The following OGN variants were observed in gnomAD, a reference collection of about 807,000 sequenced individuals.
OGN encodes the protein osteoglycin, also known as mimecan.
Under a neutral mutation model 30.8 loss-of-function variants are expected in OGN, and 19 were observed. The ratio of observed to expected loss-of-function variants is 0.62; its 90% CI spans 0.43 to 0.90. OGN has a LOEUF of 0.90. Ranked by LOEUF, OGN falls within the 40% of genes least tolerant of loss-of-function variation. OGN has a pLI of 0.00. For synonymous variants in OGN, 126 were observed against 128.3 expected, an observed-to-expected ratio of 0.98 and a Z score of 0.12; for missense variants, 283 against 349.7, an observed-to-expected ratio of 0.81 and a Z score of 1.52.
Position 92,385,462 on chromosome 9 carries a change from T to C in OGN, c.*158A>G, listed in dbSNP as rs1842380780. ...GACATTCAGTCTTACTTTTTACTTA[T>C]TATATGTAAGATTTTGAACATCCTT... On this transcript the variant is annotated 3_prime_UTR_variant, in exon 7 of 7. Coordinates refer to ENST00000375561, the MANE Select transcript of OGN (RefSeq NM_014057.5). The C allele has an allele frequency of 3.3e-6, 2 of 611,328 alleles. No individual in the cohort carries two copies. The highest frequency in any genetic ancestry group is 1.9e-5 in the African/African-American group (1 of 53,418). 37.9% of individuals were successfully genotyped at this position (611,328 alleles called of 1,614,324 possible).
At position 92,385,830 on chromosome 9, in the gene OGN, ATCAACCTT is replaced by A. The variant is rs758144658; in HGVS notation, c.727-48_727-41del. Reference sequence around the variant, plus strand: ...GGAAAACATTGTTCAGAAATCTGAAATCAACCTTTCATATGCTATATAATGGGTAAAGG... The same window carrying A: ...GGAAAACATTGTTCAGAAATCTGAAATCATATGCTATATAATGGGTAAAGG... On this transcript the variant is annotated intron_variant, in intron 6 of 6. Transcript: ENST00000375561. 42 of 1,606,110 alleles carry A rather than the reference ATCAACCTT, an allele frequency of 2.6e-5. 1 individual carries two copies. The East Asian group carries it at 7.6e-4, about 29-fold the overall frequency.
intron 4 of OGN, 21 bp downstream of exon 4, chr9:92,393,065 T>C (rs767271668): frequency 3.7e-6 from 6 of 1,602,322 alleles, no homozygotes; most frequent in South Asian, 2.2e-5. Context: ...AATACTAATA[T>C]CATATTTCAG....
intron 3 of OGN, among the ~76,000 whole-genome samples, chr9:92,399,547 A>AT (rs1351383968): frequency 6.6e-6 from 1 of 152,084 alleles, no homozygotes; most frequent in African/African-American, 2.4e-5. Flanking sequence ...TACCACAGGT[A>AT]TTTTTAGGGT....
Sources: allele counts gnomAD v4.1 joint callset (sites outside exome capture counted in the v4.1 genomes callset), GRCh38; gene constraint gnomAD v4.1.1; transcripts MANE v1.5; gene names NCBI Gene and HGNC (gene_info 2026-07-23, HGNC 2026-07-21).